Variants in NRG1 observed in about 807,000 individuals in gnomAD.
The protein encoded by NRG1 is neuregulin 1, also known as pro-neuregulin-1, membrane-bound isoform.
NRG1 carries 18 observed loss-of-function variants against 63.8 expected under a neutral mutation model. The ratio of observed to expected loss-of-function variants is 0.28; its 90% CI spans 0.19 to 0.42. The LOEUF (loss-of-function observed/expected upper bound fraction) is 0.42. Among genes scored for constraint, NRG1 ranks in the 10% least tolerant of loss-of-function variants. The pLI is 1.00. For synonymous variants in NRG1, 302 were observed against 301.3 expected, an observed-to-expected ratio of 1.00 and a Z score of -0.02; for missense variants, 762 against 814.7, an observed-to-expected ratio of 0.94 and a Z score of 0.79.
chr8:32,182,686 A>G (rs1841560542), intron 1 of NRG1, among the ~76,000 whole-genome samples: 1 of 152,214 alleles, frequency 6.6e-6, no homozygotes, highest in Admixed American at 6.5e-5. Context: ...GTCTTGGGAA[A>G]AGGCAGGTGA....
At chr8:31,666,795 A>G (rs1239942489) in intron 1 of NRG1, among the ~76,000 whole-genome samples, 1 of 152,234 alleles carries the variant, frequency 6.6e-6, no homozygotes, top group East Asian at 1.9e-4. Context: ...TCCTTTTGAC[A>G]GGTTCTACCA....
chr8:32,391,814 A>G (rs1235647979), intron 1 of NRG1, among the ~76,000 whole-genome samples: 20 of 152,162 alleles, frequency 1.3e-4, no homozygotes, highest in African/African-American at 2.4e-5. Context: ...GACAAAAATA[A>G]TAACCCACAG....
intron 1 of NRG1, among the ~76,000 whole-genome samples, chr8:32,533,146 A>C (rs1302758252): frequency 6.6e-6 from 1 of 152,054 alleles, no homozygotes; most frequent in Non-Finnish European, 1.5e-5. Context: ...TGTATATATA[A>C]TATAAATGGT....
intron 1 of NRG1, among the ~76,000 whole-genome samples, chr8:31,841,476 A>G (rs952951220): frequency 2.6e-5 from 4 of 152,166 alleles, no homozygotes; most frequent in African/African-American, 9.6e-5. Context: ...TGGCAGAGAC[A>G]TGGAAAATGG....
At chr8:32,027,463 T>TGCTTC (rs1356284125) in intron 1 of NRG1, among the ~76,000 whole-genome samples, 112 of 119,210 alleles carry the variant, frequency 9.4e-4, no homozygotes, top group Middle Eastern at 4.0e-3. Context: ...CTTCCTTCCT[T>TGCTTC]CCTTCCCTCC....
chr8:31,671,585 A>G (rs1208874333), intron 1 of NRG1, among the ~76,000 whole-genome samples: 2 of 152,196 alleles, frequency 1.3e-5, no homozygotes, highest in Non-Finnish European at 2.9e-5. Flanking sequence ...CTTCTTAAAG[A>G]CAGAGGAGAG....
intron 1 of NRG1, among the ~76,000 whole-genome samples, chr8:32,439,004 T>A (rs1819149562): frequency 6.6e-6 from 1 of 152,150 alleles, no homozygotes; most frequent in African/African-American, 2.4e-5. Context: ...TCTTTACTGT[T>A]TTTTTCCACA....
At chr8:31,778,531 C>G (rs550101300) in intron 1 of NRG1, among the ~76,000 whole-genome samples, 7 of 152,322 alleles carry the variant, frequency 4.6e-5, no homozygotes, top group South Asian at 2.1e-4. Context: ...TGCTGTAGAA[C>G]TGTACATCTA....
intron 5 of NRG1, among the ~76,000 whole-genome samples, chr8:32,698,167 A>C (rs2919386): frequency 0.94 from 142,570 of 151,700 alleles, 67,400 homozygotes; most frequent in Middle Eastern, 1. Flanking sequence ...GATTGCACCA[A>C]TGCCCTCCAG....
intron 1 of NRG1, among the ~76,000 whole-genome samples, chr8:32,419,901 T>C (rs1816467568): frequency 6.6e-6 from 1 of 152,196 alleles, no homozygotes; most frequent in African/African-American, 2.4e-5. Context: ...AATTGCTCAT[T>C]GTCCCTTCAC....
intron 1 of NRG1, among the ~76,000 whole-genome samples, chr8:31,999,130 TG>T (rs1333959234): frequency 6.6e-6 from 1 of 151,906 alleles, no homozygotes; most frequent in Non-Finnish European, 1.5e-5. Context: ...AAATTAACAC[TG>T]GAAGTATTTT....
chr8:32,548,809 C>A, exon 1 of NRG1: 1 of 1,574,786 alleles, frequency 6.4e-7, no homozygotes, highest in Admixed American at 1.9e-5. Context: ...GAGTCCGCGG[C>A]GGGCAGCCAG....
chr8:31,828,568 C>G (rs368234026), intron 1 of NRG1, among the ~76,000 whole-genome samples: 1 of 152,164 alleles, frequency 6.6e-6, no homozygotes, highest in South Asian at 2.1e-4. Context: ...ACACCACCCG[C>G]GCTCTGTCCA....
intron 1 of NRG1, among the ~76,000 whole-genome samples, chr8:32,236,277 T>C (rs1847552474): frequency 6.6e-6 from 1 of 151,922 alleles, no homozygotes; most frequent in Admixed American, 6.6e-5. Context: ...GAATCAAACC[T>C]GGGGGGGAAA....
At chr8:32,755,210 TA>T (rs1452291956) in intron 8 of NRG1, among the ~76,000 whole-genome samples, 1 of 152,146 alleles carries the variant, frequency 6.6e-6, no homozygotes, top group African/African-American at 2.4e-5. Context: ...TGGTCCGTAT[TA>T]ACAAATTCAA....
intron 1 of NRG1, among the ~76,000 whole-genome samples, chr8:32,112,434 C>T (rs1054857359): frequency 2.0e-5 from 3 of 152,180 alleles, no homozygotes; most frequent in South Asian, 2.1e-4. Flanking sequence ...CCATTCATTT[C>T]GAAGTAAGAG....
intron 1 of NRG1, among the ~76,000 whole-genome samples, chr8:32,089,718 A>G (rs10503899): frequency 0.33 from 50,190 of 152,148 alleles, 10,378 homozygotes; most frequent in Non-Finnish European, 0.45. Context: ...ACGCTCATAC[A>G]TTAAAAACTA....
At chr8:32,270,619 C>G (rs1408307500) in intron 1 of NRG1, among the ~76,000 whole-genome samples, 1 of 152,154 alleles carries the variant, frequency 6.6e-6, no homozygotes, top group Non-Finnish European at 1.5e-5. Context: ...TTCACTGTCA[C>G]CTTTAAATAC....
intron 1 of NRG1, among the ~76,000 whole-genome samples, chr8:32,041,533 C>G (rs1820036432): frequency 6.6e-6 from 1 of 152,210 alleles, no homozygotes; most frequent in Non-Finnish European, 1.5e-5. Flanking sequence ...CCAGCTTTGA[C>G]TTGGGAAGCT....
Sources: gnomAD v4.1 joint callset for allele counts (sites outside exome capture counted in the v4.1 genomes callset) on GRCh38, gnomAD v4.1.1 for gene constraint, MANE v1.5 for transcripts, NCBI Gene and HGNC (gene_info 2026-07-23, HGNC 2026-07-21) for gene names.